Variants in GALNT18 observed in about 807,000 individuals in gnomAD.
GALNT18 encodes polypeptide N-acetylgalactosaminyltransferase 18, also known as GalNAc-transferase 18.
GALNT18 carries 44 observed loss-of-function variants against 69.5 expected under a neutral mutation model. The observed-to-expected ratio is 0.63, with a 90% confidence interval of 0.50 to 0.81. The LOEUF is 0.81. Among genes scored for constraint, GALNT18 ranks in the 40% least tolerant of loss-of-function variants. GALNT18 has a pLI of 0.00. For synonymous variants in GALNT18, 364 were observed against 318.2 expected (o/e 1.14, Z -1.53); for missense variants, 715 against 810.0 (o/e 0.88, Z 1.42).
intron 3 of GALNT18, among the ~76,000 whole-genome samples, chr11:11,380,223 C>T (rs2133693611): frequency 6.6e-6 from 1 of 152,344 alleles, no homozygotes; most frequent in African/African-American, 2.4e-5. Context: ...CTCAATCTTA[C>T]ATTCATGAGT....
At chr11:11,406,951 G>T (rs1011613002) in intron 3 of GALNT18, among the ~76,000 whole-genome samples, 4 of 152,212 alleles carry the variant, frequency 2.6e-5, no homozygotes, top group African/African-American at 9.7e-5. Flanking sequence ...TCCCTGGAGG[G>T]TTTGCACTGA....
chr11:11,274,897 A>G (rs145765188), intron 10 of GALNT18, among the ~76,000 whole-genome samples: 1 of 152,270 alleles, frequency 6.6e-6, no homozygotes, highest in Non-Finnish European at 1.5e-5. Context: ...TTATGGCTGC[A>G]TAGTGTTCCA....
intron 1 of GALNT18, among the ~76,000 whole-genome samples, chr11:11,575,906 G>T (rs61870377): frequency 0.14 from 21,167 of 152,206 alleles, 1,876 homozygotes; most frequent in Non-Finnish European, 0.2. Flanking sequence ...TTTAAATATT[G>T]AAAATAATAA....
At chr11:11,535,976 G>T (rs1218894694) in intron 1 of GALNT18, among the ~76,000 whole-genome samples, 3 of 152,142 alleles carry the variant, frequency 2.0e-5, no homozygotes, top group African/African-American at 4.8e-5. Flanking sequence ...GTAGAGGGTG[G>T]TCCCTATCCA....
chr11:11,432,551 G>T lies in GALNT18; in HGVS notation c.595+70C>A. 6.8e-7 allele frequency: 1 copy of T among 1,467,870 alleles called. No individual in the cohort carries two copies. Among genetic ancestry groups the T allele is most frequent in the South Asian group, 1.3e-5 (1 of 79,784 alleles). The allele number at this position is 1,467,870 out of a possible 1,614,324, so 90.9% of individuals were successfully genotyped here. On this transcript the variant is annotated intron_variant, in intron 3 of 10. Transcript: ENST00000227756. This position sits in a 1 kb window ranked among gnomAD's most constrained non-coding sequence, Gnocchi z 5.8. The stretch of plus-strand genomic sequence containing the variant: ...ACAGCCTTGAGCAAATGTGAACCAC[G>T]ACGCTGAACCATCAGCTTAGATGTC...
chr11:11,419,392 T>A (rs565657135), intron 3 of GALNT18, among the ~76,000 whole-genome samples: 46 of 150,090 alleles, frequency 3.1e-4, no homozygotes, highest in African/African-American at 1.1e-3. Flanking sequence ...AGGTCAGGAG[T>A]TCAAGACCAG....
intron 10 of GALNT18, among the ~76,000 whole-genome samples, chr11:11,273,426 G>C (rs1848868349): frequency 6.6e-6 from 1 of 152,140 alleles, no homozygotes; most frequent in South Asian, 2.1e-4. Context: ...CTTATAAATG[G>C]CAAACAGGTT....
chr11:11,498,450 C>T (rs1415167460), intron 1 of GALNT18, among the ~76,000 whole-genome samples: 6 of 152,314 alleles, frequency 3.9e-5, no homozygotes, highest in Admixed American at 3.9e-4. Flanking sequence ...CTGTGGACTT[C>T]AGTCAGTGGC....
rs1056089000 is a variant in GALNT18, at chr11:11,291,117, C to T, written c.1677+1912G>A. On this transcript the variant is annotated intron_variant, in intron 10 of 10. Transcript: ENST00000227756. Reference sequence around the variant, plus strand: ...GTAGCCTCATCCTCTGGCCCCTGAGCTGGAAATCTGGCAGAGGAAAGTGAT... The same window carrying T: ...GTAGCCTCATCCTCTGGCCCCTGAGTTGGAAATCTGGCAGAGGAAAGTGAT... Among the ~76,000 whole-genome samples, 7 of 152,300 alleles carry T rather than the reference C, an allele frequency of 4.6e-5. No individual in the cohort carries two copies. The East Asian group carries it at 1.2e-3, about 25-fold the overall frequency.
At chr11:11,536,104 G>A (rs1857766535) in intron 1 of GALNT18, among the ~76,000 whole-genome samples, 1 of 152,170 alleles carries the variant, frequency 6.6e-6, no homozygotes, top group Non-Finnish European at 1.5e-5. Flanking sequence ...CCTGACTATA[G>A]TTTTAAGGGG....
In GALNT18 at chr11:11,523,822, A is replaced by G. The variant is rs1857457436; in HGVS notation, c.236-74886T>C. 6.6e-6 allele frequency among the ~76,000 whole-genome samples: 1 copy of G among 152,120 alleles called. No individual in the cohort carries two copies. The highest frequency in any genetic ancestry group is 6.5e-5 in the Admixed American group (1 of 15,272). ...CACTGGCTAACATGGGTCAGAAGTG[A>G]ATTAATTAAAGGACACTGGGAAGCT... On this transcript the variant is annotated intron_variant, in intron 1 of 10. Coordinates refer to ENST00000227756, the MANE Select transcript of GALNT18 (RefSeq NM_198516.3). This position sits in a 1 kb window ranked among gnomAD's most constrained non-coding sequence, Gnocchi z 4.3.
At chr11:11,483,738 G>T (rs1415590245) in intron 1 of GALNT18, among the ~76,000 whole-genome samples, 2 of 152,200 alleles carry the variant, frequency 1.3e-5, no homozygotes, top group African/African-American at 2.4e-5. Context: ...GCAGCCCTTG[G>T]TGACGCTAAT....
chr11:11,385,382 G>A (rs539312864), intron 3 of GALNT18, among the ~76,000 whole-genome samples: 7 of 150,940 alleles, frequency 4.6e-5, no homozygotes, highest in Non-Finnish European at 8.8e-5. Context: ...TGCAAGCTCC[G>A]CCTCCCGGGT....
At chr11:11,490,845 G>A (rs531867001) in intron 1 of GALNT18, among the ~76,000 whole-genome samples, 106 of 152,328 alleles carry the variant, frequency 7.0e-4, no homozygotes, top group Non-Finnish European at 1.2e-3. Flanking sequence ...AAACTCCAAC[G>A]CGGATTGTCA....
intron 3 of GALNT18, among the ~76,000 whole-genome samples, chr11:11,409,076 G>T (rs1235356244): frequency 2.0e-5 from 3 of 152,180 alleles, no homozygotes; most frequent in Non-Finnish European, 2.9e-5. Context: ...ATTAAAAACA[G>T]CCCTGGTACC....
chr11:11,357,242 C>A lies in GALNT18; in HGVS notation c.1092+15273G>T, dbSNP rs1354835880. On this transcript the variant is annotated intron_variant, in intron 6 of 10. Transcript: ENST00000227756. ...TTCCCAGGAGAAGGTCTGTCTACAG[C>A]TGACCACCTAGAAGGCAACAAAATT... Among the ~76,000 whole-genome samples the A allele has an allele frequency of 2.6e-5, 4 of 152,082 alleles. No homozygotes were observed. In the East Asian group the frequency reaches 7.7e-4, roughly 29 times the overall value.
At chr11:11,473,902 C>T (rs7396471) in intron 1 of GALNT18, among the ~76,000 whole-genome samples, 148,746 of 152,200 alleles carry the variant, frequency 0.98, 72,765 homozygotes, top group East Asian at 1. Flanking sequence ...CAGTCTCTAC[C>T]AAAAATACAA....
Position 11,389,618 on chromosome 11 carries a change from A to G in GALNT18, c.596-10354T>C, listed in dbSNP as rs1012717495. On this transcript the variant is annotated intron_variant, in intron 3 of 10. Coordinates refer to ENST00000227756, the MANE Select transcript of GALNT18 (RefSeq NM_198516.3). The surrounding 1 kb of genome is among the most constrained non-coding windows in gnomAD (Gnocchi z 4.3). ...TGACTGATGTCAGCTGTGTCCAGGCAGGAGTGGACGCTGCTCCAGCCCCAG... is the reference window on the plus strand; with the variant it reads ...TGACTGATGTCAGCTGTGTCCAGGCGGGAGTGGACGCTGCTCCAGCCCCAG... 1.8e-4 allele frequency among the ~76,000 whole-genome samples: 28 copies of G among 152,332 alleles called. No individual in the cohort carries two copies. Among genetic ancestry groups the G allele is most frequent in the African/African-American group, 6.5e-4 (27 of 41,588 alleles).
At chr11:11,524,351 CCTT>C (rs1857470651) in intron 1 of GALNT18, among the ~76,000 whole-genome samples, 1 of 152,196 alleles carries the variant, frequency 6.6e-6, no homozygotes, top group African/African-American at 2.4e-5. Flanking sequence ...TATCTGCCCT[CCTT>C]CTCTGTGAAA....
Sources: gnomAD v4.1 joint callset for allele counts (sites outside exome capture counted in the v4.1 genomes callset) on GRCh38, gnomAD v4.1.1 for gene constraint, Gnocchi (gnomAD v3.1) non-coding constraint, MANE v1.5 for transcripts, NCBI Gene and HGNC (gene_info 2026-07-23, HGNC 2026-07-21) for gene names.